ABL2: variants seen among roughly 807,000 people sequenced by gnomAD.
The protein encoded by ABL2 is ABL proto-oncogene 2, non-receptor tyrosine kinase, also known as tyrosine-protein kinase ABL2.
Under a neutral mutation model 107.7 loss-of-function variants are expected in ABL2, and 49 were observed. That is an observed-to-expected ratio of 0.45 (90% CI 0.36 to 0.58). ABL2 has a LOEUF of 0.58. Ranked by LOEUF, ABL2 falls within the 20% of genes least tolerant of loss-of-function variation. The pLI is 0.00. For missense variants in ABL2, 1,245 were observed against 1,457.0 expected, an observed-to-expected ratio of 0.85 and a Z score of 2.37; for synonymous variants, 549 against 548.6, an observed-to-expected ratio of 1.00 and a Z score of -0.01.
At chr1:179,210,503 C>CAAAAAAAA (rs113814284) in intron 1 of ABL2, among the ~76,000 whole-genome samples, 21 of 93,982 alleles carry the variant, frequency 2.2e-4, no homozygotes, top group East Asian at 9.2e-4. Context: ...CTCTAACTCA[C>CAAAAAAAA]AAAAAAAAAA....
chr1:179,112,445 A>G (rs1405324353), intron 9 of ABL2, 47 bp from the exon 10 acceptor site: 1 of 1,464,260 alleles, frequency 6.8e-7, no homozygotes, highest in South Asian at 1.2e-5. Context: ...CAGAAATTCA[A>G]TATCCAGTGG....
intron 1 of ABL2, 33 bp downstream of exon 1, chr1:179,229,208 C>CCCCCCCCCCCCCCCACA: frequency 1.3e-6 from 2 of 1,488,042 alleles, no homozygotes. Flanking sequence ...CGGCCTCCCC[C>CCCCCCCCCCCCCCCACA]ACGCTCTCAT....
rs34745588 is a variant in ABL2 at position 179,135,956 on chromosome 1, TG to T, written c.158-2583del. Among the ~76,000 whole-genome samples the T allele has an allele frequency of 4.7e-3, 252 of 53,356 alleles. 7 individuals carry two copies. The highest frequency in any genetic ancestry group is 0.012 in the African/African-American group (234 of 19,198). 35.0% of individuals were successfully genotyped at this position (53,356 alleles called of 152,430 possible). ...CCAGCCGCCCCGTCCAGGAGGGAGG[TG>T]GGGGGGGTCAGCCCCCCATCCGGCC... On this transcript the variant is annotated intron_variant, in intron 1 of 11. Transcript: ENST00000502732.
At chr1:179,181,567 G>A (rs1660373458) in intron 1 of ABL2, among the ~76,000 whole-genome samples, 1 of 152,092 alleles carries the variant, frequency 6.6e-6, no homozygotes, top group Admixed American at 6.6e-5. Flanking sequence ...TCATGGTGCT[G>A]CTGTGAAAAG....
Position 179,131,491 on chromosome 1 carries a change from A to C in ABL2, c.221-10T>G, listed in dbSNP as rs558301337. Reference sequence around the variant, plus strand: ...GGACGATGCAAAGCTTCTGAAAGACATAAGAAGGGAAGGGAATTCACGGTG... The same window carrying C: ...GGACGATGCAAAGCTTCTGAAAGACCTAAGAAGGGAAGGGAATTCACGGTG... On this transcript the variant is annotated splice_polypyrimidine_tract_variant and intron_variant, in intron 2 of 11. Coordinates refer to ENST00000502732, the MANE Select transcript of ABL2 (RefSeq NM_007314.4). 1.9e-5 allele frequency: 31 copies of C among 1,612,266 alleles called. No individual in the cohort carries two copies. The highest frequency in any genetic ancestry group is 2.6e-5 in the Non-Finnish European group (31 of 1,178,500).
chr1:179,214,723 A>T (rs1364597595), intron 1 of ABL2, among the ~76,000 whole-genome samples: 1 of 152,074 alleles, frequency 6.6e-6, no homozygotes, highest in African/African-American at 2.4e-5. Flanking sequence ...GAAGATATTT[A>T]AATATTCTTA....
chr1:179,226,456 G>A (rs1663218382), intron 1 of ABL2, among the ~76,000 whole-genome samples: 2 of 151,652 alleles, frequency 1.3e-5, no homozygotes, highest in African/African-American at 2.4e-5. Context: ...CTACAGGCGC[G>A]TGCCACCATG....
chr1:179,229,170 G>GCCCCCC, intron 1 of ABL2, 71 bp downstream of exon 1: 7 of 266,256 alleles, frequency 2.6e-5, no homozygotes, highest in South Asian at 5.8e-5. Context: ...CAGCCCGTCC[G>GCCCCCC]CCACCCACCC....
At chr1:179,180,706 A>G (rs1305672185) in intron 1 of ABL2, among the ~76,000 whole-genome samples, 1 of 152,214 alleles carries the variant, frequency 6.6e-6, no homozygotes, top group African/African-American at 2.4e-5. Flanking sequence ...CTGATAACAA[A>G]GTAAATTTTA....
rs1553215244 is a variant in ABL2 at position 179,113,936 on chromosome 1, A to AAAATT, written c.1561+941_1561+942insAATTT. ...GCGACAGAGCGAGACTCCGTCTCAA[A>AAAATT]AAATAAATAAATAAATAAATAAAAA... On this transcript the variant is annotated intron_variant, in intron 9 of 11. Transcript: ENST00000502732. Among the ~76,000 whole-genome samples the AAAATT allele has an allele frequency of 9.1e-5, 10 of 109,744 alleles. 1 individual carries two copies. Among genetic ancestry groups the AAAATT allele is most frequent in the Admixed American group, 8.7e-4 (10 of 11,528 alleles). The allele number at this position is 109,744 out of a possible 152,430, so 72.0% of individuals were successfully genotyped here. A position where few individuals can be genotyped will look rare whatever the true frequency, so the allele number is the denominator to read the frequency against.
chr1:179,107,229 G>T lies in ABL2; in HGVS notation c.*489C>A. On this transcript the variant is annotated 3_prime_UTR_variant, in exon 12 of 12. Transcript: ENST00000502732. ...TGGCCTTGTGGAAGCAAGGCTAACA[G>T]CTACTTCCAACAGCCCTGAACAAAA... 4.2e-6 allele frequency: 1 copy of T among 235,614 alleles called. No homozygotes were observed. The allele number at this position is 235,614 out of a possible 1,614,324, so 14.6% of individuals were successfully genotyped here.
chr1:179,199,369 T>G (rs1220304829), intron 1 of ABL2, among the ~76,000 whole-genome samples: 1 of 152,156 alleles, frequency 6.6e-6, no homozygotes, highest in Non-Finnish European at 1.5e-5. Context: ...ATTGTGGAGA[T>G]CCATTTAAAA....
intron 1 of ABL2, chr1:179,184,151 T>C: frequency 2.7e-6 from 1 of 367,290 alleles, no homozygotes; most frequent in Non-Finnish European, 5.1e-6. Flanking sequence ...CTCAAGTGTC[T>C]GCACTGCTTA....
intron 1 of ABL2, among the ~76,000 whole-genome samples, chr1:179,144,855 GA>G: frequency 6.6e-6 from 1 of 151,998 alleles, no homozygotes; most frequent in East Asian, 1.9e-4. Flanking sequence ...CCGGATTATA[GA>G]AAAAAAGGTA....
chr1:179,108,153 C>T lies in ABL2; in HGVS notation c.3114G>A (p.Arg1038=), dbSNP rs779614350. The change falls in exon 12 of 12, where the codon AGG becomes AGA. Residue 1038 remains arginine, a synonymous_variant. Transcript: ENST00000502732. ...GAVPISGKAG[R]PVMPPPQVPL... ...GCACTTGAGGTGGAGGCATCACTGG[C>T]CTCCCAGCTTTCCCACTGATGGGCA... The T allele has an allele frequency of 7.0e-5, 113 of 1,614,092 alleles. No homozygotes were observed. The highest frequency in any genetic ancestry group is 7.0e-4 in the Admixed American group (42 of 60,008).
intron 1 of ABL2, among the ~76,000 whole-genome samples, chr1:179,193,221 GA>G (rs1371449438): frequency 1.3e-5 from 2 of 152,118 alleles, no homozygotes; most frequent in Non-Finnish European, 2.9e-5. Context: ...AGTGCCCGAA[GA>G]AGTCAATTTG....
intron 1 of ABL2, among the ~76,000 whole-genome samples, chr1:179,185,758 A>AT (rs1411430225): frequency 6.6e-6 from 1 of 152,182 alleles, no homozygotes; most frequent in African/African-American, 2.4e-5. Flanking sequence ...ACCCATGAAG[A>AT]TATATAATGA....
chr1:179,194,558 T>C (rs546071376), intron 1 of ABL2, among the ~76,000 whole-genome samples: 1 of 152,140 alleles, frequency 6.6e-6, no homozygotes, highest in South Asian at 2.1e-4. Context: ...TACACACATA[T>C]TAAAACTCTA....
At chr1:179,184,502 T>C (rs1660571559) in intron 1 of ABL2, 1 of 747,072 alleles carries the variant, frequency 1.3e-6, no homozygotes, top group Non-Finnish European at 2.2e-6. Flanking sequence ...TCATCAAAGA[T>C]GACATTTGTC....
Sources: allele counts gnomAD v4.1 joint callset (sites outside exome capture counted in the v4.1 genomes callset), GRCh38; gene constraint gnomAD v4.1.1; transcripts MANE v1.5; gene names NCBI Gene and HGNC (gene_info 2026-07-23, HGNC 2026-07-21).